SORD: variants seen among roughly 807,000 people sequenced by gnomAD.
SORD encodes the protein (R,R)-butanediol dehydrogenase.
Under a neutral mutation model 35.6 loss-of-function variants are expected in SORD, and 18 were observed. That is an observed-to-expected ratio of 0.51 (90% CI 0.35 to 0.75). The LOEUF (loss-of-function observed/expected upper bound fraction) is 0.75. Among genes scored for constraint, SORD ranks in the 30% least tolerant of loss-of-function variants. SORD has a pLI of 0.01. For missense variants in SORD, 250 were observed against 390.2 expected, an observed-to-expected ratio of 0.64 and a Z score of 3.03; for synonymous variants, 106 against 152.9, an observed-to-expected ratio of 0.69 and a Z score of 2.26.
At chr15:45,035,850 A>G (rs1892857226) in intron 1 of SORD, among the ~76,000 whole-genome samples, 1 of 152,048 alleles carries the variant, frequency 6.6e-6, no homozygotes, top group South Asian at 2.1e-4. Context: ...GAAGGTCTGC[A>G]GCTTCACTCC....
chr15:45,052,896 G>C (rs1314061112), intron 3 of SORD, among the ~76,000 whole-genome samples: 1 of 152,172 alleles, frequency 6.6e-6, no homozygotes, highest in African/African-American at 2.4e-5. Context: ...TATCCAATGA[G>C]GAGAGGAATC....
Position 45,063,428 on chromosome 15 carries a change from G to A in SORD, c.426-1843G>A, listed in dbSNP as rs1320697202. Among the ~76,000 whole-genome samples, 6 of 151,626 alleles carry A rather than the reference G, an allele frequency of 4.0e-5. No individual in the cohort carries two copies. The South Asian group carries it at 6.3e-4, about 16-fold the overall frequency. ...AGAAACTTGGAGTCTTCTCATCCTC[G>A]TTCTCCATCAACCCCCACTGGACAA... On this transcript the variant is annotated intron_variant, in intron 4 of 8. Transcript: ENST00000267814.
chr15:45,056,433 C>T lies in SORD; in HGVS notation c.266-4634C>T, dbSNP rs556850934. ...ATCTAGGAATCCAACTTACAAGGGA[C>T]GTGAAGGACCTCTTCAAGGAGAACT... On this transcript the variant is annotated intron_variant, in intron 3 of 8. Coordinates refer to ENST00000267814, the MANE Select transcript of SORD (RefSeq NM_003104.6). 2.2e-3 allele frequency among the ~76,000 whole-genome samples: 342 copies of T among 152,132 alleles called. 1 individual carries two copies. Among genetic ancestry groups the T allele is most frequent in the Non-Finnish European group, 4.0e-3 (273 of 67,974 alleles).
chr15:45,067,792 A>C (rs1893430816), intron 5 of SORD, among the ~76,000 whole-genome samples: 1 of 152,148 alleles, frequency 6.6e-6, no homozygotes, highest in African/African-American at 2.4e-5. Context: ...ATGGGTTCTC[A>C]CAAAGGTAGG....
intron 5 of SORD, among the ~76,000 whole-genome samples, chr15:45,066,191 G>C (rs1279548895): frequency 6.9e-6 from 1 of 144,998 alleles, no homozygotes; most frequent in Non-Finnish European, 1.5e-5. Context: ...GTTGCAGTGA[G>C]CCAAGATTGT....
At chr15:45,028,905 G>C (rs1892723687) in intron 1 of SORD, among the ~76,000 whole-genome samples, 2 of 152,268 alleles carry the variant, frequency 1.3e-5, no homozygotes, top group South Asian at 4.1e-4. Flanking sequence ...GAGAGGGCAT[G>C]AACATGGGCA....
At chr15:45,036,989 T>G (rs778256275) in intron 1 of SORD, among the ~76,000 whole-genome samples, 8 of 152,156 alleles carry the variant, frequency 5.3e-5, no homozygotes, top group Non-Finnish European at 1.0e-4. Flanking sequence ...GTAATAACTT[T>G]CTAAAACATT....
chr15:45,030,238 C>G (rs919523387), intron 1 of SORD, among the ~76,000 whole-genome samples: 1 of 152,238 alleles, frequency 6.6e-6, no homozygotes, highest in African/African-American at 2.4e-5. Flanking sequence ...GGAGAAGAAG[C>G]AAGCAATATC....
chr15:45,037,189 T>G (rs1002241102), intron 1 of SORD, among the ~76,000 whole-genome samples: 16 of 152,352 alleles, frequency 1.1e-4, no homozygotes, highest in African/African-American at 3.8e-4. Context: ...AGGAATTTAT[T>G]TGAACTTCTC....
intron 3 of SORD, among the ~76,000 whole-genome samples, chr15:45,051,809 C>T (rs1893128192): frequency 6.6e-6 from 1 of 152,172 alleles, no homozygotes; most frequent in African/African-American, 2.4e-5. Flanking sequence ...CCTTTTATAA[C>T]TCTCTACAAA....
At chr15:45,071,475 G>T (rs2467822) in intron 7 of SORD, among the ~76,000 whole-genome samples, 1 of 151,340 alleles carries the variant, frequency 6.6e-6, no homozygotes, top group Non-Finnish European at 1.5e-5. Context: ...TGTATCCTTC[G>T]TCTCAGAACT....
chr15:45,034,798 G>T (rs1215030094), intron 1 of SORD, among the ~76,000 whole-genome samples: 2 of 152,246 alleles, frequency 1.3e-5, no homozygotes, highest in African/African-American at 4.8e-5. Context: ...GGCCAAGGCC[G>T]GAGCCGGCTC....
intron 1 of SORD, among the ~76,000 whole-genome samples, chr15:45,028,694 G>T (rs796095351): frequency 0.21 from 31,156 of 150,626 alleles, no homozygotes; most frequent in African/African-American, 0.44. Context: ...TTACTCGGAG[G>T]TCCATGAAGA....
intron 3 of SORD, among the ~76,000 whole-genome samples, chr15:45,052,615 C>T (rs1203146284): frequency 1.3e-5 from 2 of 152,178 alleles, no homozygotes; most frequent in African/African-American, 4.8e-5. Context: ...AGTCTACCCC[C>T]ACAGTATGCC....
chr15:45,036,536 AAAAAAAAATTAGCCACGCAGCGTGGC>A, intron 1 of SORD, among the ~76,000 whole-genome samples: 1 of 151,576 alleles, frequency 6.6e-6, no homozygotes, highest in South Asian at 2.1e-4. Context: ...TACCAAAAAT[AAAAAAAAATTAGCCACGCAGCGTGGC>A]ATGCACCTGT....
At chr15:45,069,194 C>CTTCT (rs1893463653) in intron 7 of SORD, 142 bp downstream of exon 7, 1 of 116,272 alleles carries the variant, frequency 8.6e-6, no homozygotes, top group Non-Finnish European at 1.8e-5. Context: ...TTTTCTTTTT[C>CTTCT]TTTTTTTTTT....
In SORD at chr15:45,052,115, A is replaced by C. The variant is rs114897851; in HGVS notation, c.265+8694A>C. Among the ~76,000 whole-genome samples, 904 of 152,286 alleles carry C rather than the reference A, an allele frequency of 5.9e-3. 7 individuals are homozygous for C. The highest frequency in any genetic ancestry group is 0.021 in the African/African-American group (862 of 41,562). The stretch of plus-strand genomic sequence containing the variant: ...CTTTCCTTACACACCTTGCATGTAA[A>C]TCTATTTTCAGTAGTCTCTAATTTC... On this transcript the variant is annotated intron_variant, in intron 3 of 8. Transcript: ENST00000267814.
At chr15:45,045,729 C>T (rs1254186812) in intron 3 of SORD, among the ~76,000 whole-genome samples, 3 of 152,024 alleles carry the variant, frequency 2.0e-5, no homozygotes, top group African/African-American at 7.2e-5. Context: ...CTTGGCTGGG[C>T]ATGGTGGCTT....
chr15:45,030,712 A>AT (rs1213331012), intron 1 of SORD, among the ~76,000 whole-genome samples: 1 of 152,234 alleles, frequency 6.6e-6, no homozygotes, highest in East Asian at 1.9e-4. Context: ...ATTTTAATAT[A>AT]TTTATCCCTG....
Sources: allele counts gnomAD v4.1 joint callset (sites outside exome capture counted in the v4.1 genomes callset), GRCh38; gene constraint gnomAD v4.1.1; transcripts MANE v1.5; gene names NCBI Gene and HGNC (gene_info 2026-07-23, HGNC 2026-07-21).